INTS7: variants seen among roughly 807,000 people sequenced by gnomAD.
INTS7 encodes the protein chromosome 1 open reading frame 73.
In INTS7, 46 loss-of-function variants were observed where a neutral mutation model predicts 109.2. That is an observed-to-expected ratio of 0.42 (90% confidence interval 0.33 to 0.54). INTS7 has a LOEUF of 0.54. Ranked by LOEUF, INTS7 falls within the 20% of genes least tolerant of loss-of-function variation. INTS7 has a pLI of 0.07. For synonymous variants in INTS7, 412 were observed against 402.9 expected (o/e 1.02, Z -0.27); for missense variants, 929 against 1,132.4 (o/e 0.82, Z 2.58).
intron 13 of INTS7, among the ~76,000 whole-genome samples, chr1:211,973,590 G>A (rs1664273389): frequency 6.6e-6 from 1 of 152,078 alleles, no homozygotes; most frequent in South Asian, 2.1e-4. Context: ...TATTTACTCA[G>A]TTAAAAAGAT....
chr1:211,976,724 C>T lies in INTS7; in HGVS notation c.1471-5G>A, dbSNP rs1193287740. ...AATCACAGTAGCCAAACTCACCTAA[C>T]ATTGGGCAAGAAGAAAACCAAGAAA... On this transcript the variant is annotated splice_polypyrimidine_tract_variant and splice_region_variant and intron_variant, in intron 11 of 19. Coordinates refer to ENST00000366994, the MANE Select transcript of INTS7 (RefSeq NM_015434.4). 6.2e-7 allele frequency: 1 copy of T among 1,613,724 alleles called. No homozygotes were observed. Among genetic ancestry groups the T allele is most frequent in the Admixed American group, 1.7e-5 (1 of 59,998 alleles).
At position 212,014,414 on chromosome 1, in the gene INTS7, G is replaced by A. The variant is rs1187368018; in HGVS notation, c.509+2472C>T. 4.7e-5 allele frequency among the ~76,000 whole-genome samples: 6 copies of A among 127,282 alleles called. No individual in the cohort carries two copies. The East Asian group carries it at 9.5e-4, about 20-fold the overall frequency. The allele number at this position is 127,282 out of a possible 152,430, so 83.5% of individuals were successfully genotyped here. ...TGGGAGATGGAGGTTGCTGTGACCC[G>A]AGATTGCGCCACTGTACTCCAGCCT... On this transcript the variant is annotated intron_variant, in intron 4 of 19. Coordinates refer to ENST00000366994, the MANE Select transcript of INTS7 (RefSeq NM_015434.4).
chr1:211,972,462 T>C (rs770604400), intron 13 of INTS7, among the ~76,000 whole-genome samples: 2 of 152,192 alleles, frequency 1.3e-5, no homozygotes, highest in African/African-American at 2.4e-5. Context: ...TTTCAAATTT[T>C]GAATTAGGGA....
intron 16 of INTS7, among the ~76,000 whole-genome samples, 194 bp from the exon 17 acceptor site, chr1:211,952,895 C>T (rs1033762936): frequency 1.3e-5 from 2 of 152,118 alleles, no homozygotes; most frequent in Non-Finnish European, 2.9e-5. Flanking sequence ...AAATGGCAAG[C>T]CAGAATTCAA....
chr1:211,946,003 C>T lies in INTS7; in HGVS notation c.2415+604G>A, dbSNP rs1662831090. Among the ~76,000 whole-genome samples the T allele has an allele frequency of 6.6e-6, 1 of 152,208 alleles. No individual in the cohort carries two copies. Among genetic ancestry groups the T allele is most frequent in the Non-Finnish European group, 1.5e-5 (1 of 68,036 alleles). ...CTCAGCTCAAGATCCTTGCAGGCTA[C>T]TGTGATAAATCACTAATTTATTCCT... On this transcript the variant is annotated intron_variant, in intron 18 of 19. Coordinates refer to ENST00000366994, the MANE Select transcript of INTS7 (RefSeq NM_015434.4). This position sits in a 1 kb window ranked among gnomAD's most constrained non-coding sequence, Gnocchi z 4.3.
intron 16 of INTS7, among the ~76,000 whole-genome samples, chr1:211,962,816 T>C (rs919466777): frequency 1.3e-5 from 2 of 152,112 alleles, no homozygotes; most frequent in Non-Finnish European, 2.9e-5. Flanking sequence ...AATCAAGAAG[T>C]TCTTTGAAAC....
At chr1:211,947,841 A>G (rs191306148) in intron 17 of INTS7, among the ~76,000 whole-genome samples, 2 of 152,362 alleles carry the variant, frequency 1.3e-5, no homozygotes, top group East Asian at 3.9e-4. Flanking sequence ...CTCACGGTAC[A>G]TCAAAGGTTA....
intron 7 of INTS7, among the ~76,000 whole-genome samples, chr1:212,002,726 T>G (rs184935192): frequency 1.3e-5 from 2 of 152,376 alleles, no homozygotes; most frequent in Admixed American, 6.5e-5. Flanking sequence ...ACCTTCCATA[T>G]TCACTAATCT....
intron 17 of INTS7, among the ~76,000 whole-genome samples, chr1:211,950,385 C>T (rs909559571): frequency 6.6e-6 from 1 of 152,150 alleles, no homozygotes; most frequent in South Asian, 2.1e-4. Context: ...AATTCTCCTG[C>T]CTCAGCCTCC....
At chr1:212,008,505 T>C (rs985999931) in intron 5 of INTS7, among the ~76,000 whole-genome samples, 1 of 152,168 alleles carries the variant, frequency 6.6e-6, no homozygotes, top group Non-Finnish European at 1.5e-5. Flanking sequence ...TCTCTTCTCA[T>C]TCTATGTGTT....
In INTS7 at chr1:211,978,255, C is replaced by G. The variant is rs1558035847; in HGVS notation, c.1470+17G>C. ...AGATCCTAGTCATTCAAAGGAGATT[C>G]AAAATGGGCTTTTTACCAGAAGTTC... On this transcript the variant is annotated intron_variant, in intron 11 of 19. Coordinates refer to ENST00000366994, the MANE Select transcript of INTS7 (RefSeq NM_015434.4). 6.2e-7 allele frequency: 1 copy of G among 1,613,644 alleles called. No homozygotes were observed. The highest frequency in any genetic ancestry group is 1.7e-5 in the Admixed American group (1 of 60,006).
intron 13 of INTS7, among the ~76,000 whole-genome samples, chr1:211,973,351 T>C (rs1323257041): frequency 6.6e-6 from 1 of 152,246 alleles, no homozygotes; most frequent in East Asian, 1.9e-4. Context: ...AAAGCTAATA[T>C]AAACACTTTT....
At chr1:212,029,035 T>C (rs1031228731) in intron 1 of INTS7, among the ~76,000 whole-genome samples, 4 of 152,166 alleles carry the variant, frequency 2.6e-5, no homozygotes, top group Non-Finnish European at 5.9e-5. Flanking sequence ...AATTAGTGAT[T>C]AAATGGTGGA....
chr1:211,956,878 T>G (rs534830731), intron 16 of INTS7, among the ~76,000 whole-genome samples: 1 of 152,262 alleles, frequency 6.6e-6, no homozygotes, highest in Non-Finnish European at 1.5e-5. Context: ...TGAATAAAGA[T>G]GCTATGAACA....
At chr1:212,025,921 C>T (rs760915027) in intron 1 of INTS7, among the ~76,000 whole-genome samples, 5 of 151,970 alleles carry the variant, frequency 3.3e-5, no homozygotes, top group Admixed American at 1.3e-4. Context: ...TTTGGGAGGC[C>T]GAGGCTGGCA....
intron 16 of INTS7, among the ~76,000 whole-genome samples, chr1:211,958,499 G>T (rs1663465666): frequency 6.6e-6 from 1 of 151,816 alleles, no homozygotes; most frequent in African/African-American, 2.4e-5. Context: ...CGTGTGCCTT[G>T]CTCTAATTTT....
Position 212,025,055 on chromosome 1 carries a change from G to A in INTS7, c.95-3843C>T, listed in dbSNP as rs142223941. 8.6e-3 allele frequency among the ~76,000 whole-genome samples: 1,304 copies of A among 152,286 alleles called. 61 individuals carry two copies. Among genetic ancestry groups the A allele is most frequent in the Admixed American group, 0.076 (1,164 of 15,296 alleles). On this transcript the variant is annotated intron_variant, in intron 1 of 19. Coordinates refer to ENST00000366994, the MANE Select transcript of INTS7 (RefSeq NM_015434.4). Reference sequence around the variant, plus strand: ...GGTTTCTGGACTTTGTCTATCAAACGTGTTCCCTGTGAGATGTGTTCTTGT... The same window carrying A: ...GGTTTCTGGACTTTGTCTATCAAACATGTTCCCTGTGAGATGTGTTCTTGT...
chr1:212,019,514 A>G (rs998256505), intron 3 of INTS7, among the ~76,000 whole-genome samples: 1 of 152,204 alleles, frequency 6.6e-6, no homozygotes, highest in Non-Finnish European at 1.5e-5. Flanking sequence ...AATGAACACT[A>G]TAATTTAGGA....
Position 211,972,907 on chromosome 1 carries a change from C to A in INTS7, c.1815+2259G>T, listed in dbSNP as rs11119830. Among the ~76,000 whole-genome samples, 298 of 152,292 alleles carry A rather than the reference C, an allele frequency of 2.0e-3. 4 individuals carry two copies. Among genetic ancestry groups the A allele is most frequent in the African/African-American group, 7.0e-3 (289 of 41,560 alleles). On this transcript the variant is annotated intron_variant, in intron 13 of 19. Transcript: ENST00000366994. ...CTGGCCCTCACAGACACCTTGATTG[C>A]AATTTTGTGATACCATGAGCAGAGG...
Sources: gnomAD v4.1 joint callset for allele counts (sites outside exome capture counted in the v4.1 genomes callset) on GRCh38, gnomAD v4.1.1 for gene constraint, Gnocchi (gnomAD v3.1) non-coding constraint, MANE v1.5 for transcripts, NCBI Gene and HGNC (gene_info 2026-07-23, HGNC 2026-07-21) for gene names.